The following SEM1 variants were observed in gnomAD, a reference collection of about 807,000 sequenced individuals.
SEM1 encodes the protein 26S proteasome complex subunit SEM1.
A neutral mutation model predicts 12.7 loss-of-function variants in SEM1; 3 were observed. That is an observed-to-expected ratio of 0.24 (90% confidence interval 0.11 to 0.61). The LOEUF is 0.61. Ranked by LOEUF, SEM1 falls within the 20% of genes least tolerant of loss-of-function variation. SEM1 has a pLI of 0.88. For synonymous variants in SEM1, 30 were observed against 27.8 expected (o/e 1.08, Z -0.25); for missense variants, 59 against 81.3 (o/e 0.73, Z 1.06).
At chr7:96,662,617 C>T (rs1459838067) in intron 2 of SEM1, among the ~76,000 whole-genome samples, 1 of 152,136 alleles carries the variant, frequency 6.6e-6, no homozygotes, top group East Asian at 1.9e-4. Flanking sequence ...AGCAAACCAC[C>T]ATGGCACATG....
chr7:96,539,403 GA>G (rs1301516328), intron 2 of SEM1, among the ~76,000 whole-genome samples: 1 of 151,532 alleles, frequency 6.6e-6, no homozygotes, highest in African/African-American at 2.4e-5. Flanking sequence ...ACAAGTTGAA[GA>G]AAAAAATTCC....
chr7:96,704,278 T>C (rs1790375292), intron 1 of SEM1, among the ~76,000 whole-genome samples: 1 of 152,188 alleles, frequency 6.6e-6, no homozygotes, highest in African/African-American at 2.4e-5. Flanking sequence ...ACATTTAACG[T>C]TGGTTATCAC....
intron 2 of SEM1, among the ~76,000 whole-genome samples, chr7:96,550,600 A>T (rs971799010): frequency 6.6e-6 from 1 of 152,216 alleles, no homozygotes; most frequent in Non-Finnish European, 1.5e-5. Context: ...AGAAGTTATA[A>T]CTAGCGATAA....
intron 1 of SEM1, among the ~76,000 whole-genome samples, chr7:96,697,896 T>TATC (rs1790148280): frequency 6.6e-6 from 1 of 152,150 alleles, no homozygotes; most frequent in African/African-American, 2.4e-5. Context: ...TTCTGTAGGT[T>TATC]ATCATAATGC....
At chr7:96,487,070 C>CATCAACTCATCATCCCTAT (rs2117205080) in intron 1 of SEM1, among the ~76,000 whole-genome samples, 4 of 140,018 alleles carry the variant, frequency 2.9e-5, no homozygotes, top group African/African-American at 1.0e-4. Context: ...GAGTCCAAGC[C>CATCAACTCATCATCCCTAT]TGGTAAAAAT....
chr7:96,673,743 T>C (rs372311421), exon 3 of SEM1: 9 of 765,062 alleles, frequency 1.2e-5, no homozygotes, highest in African/African-American at 3.4e-5. Context: ...CATGAACACA[T>C]ACAGGTTGAT....
At chr7:96,505,019 T>C (rs1377137806) in intron 3 of SEM1, among the ~76,000 whole-genome samples, 2 of 152,072 alleles carry the variant, frequency 1.3e-5, no homozygotes, top group African/African-American at 4.8e-5. Flanking sequence ...GATCTAGCTT[T>C]CTTGGATTTA....
At chr7:96,619,926 C>G (rs950441), downstream of SEM1, among the ~76,000 whole-genome samples, 146,700 of 152,030 alleles carry the variant, frequency 0.96, 70,980 homozygotes, top group East Asian at 1. Context: ...ATGGTACCTT[C>G]GTCTTGCAAC....
exon 3 of SEM1, chr7:96,673,853 A>G (rs201237000): frequency 2.1e-4 from 158 of 764,990 alleles, no homozygotes; most frequent in Non-Finnish European, 3.5e-4. Context: ...TCAGGAGTAC[A>G]GTTGCCCTGG....
At chr7:96,510,170 T>G (rs1803893286) in intron 2 of SEM1, among the ~76,000 whole-genome samples, 1 of 152,174 alleles carries the variant, frequency 6.6e-6, no homozygotes, top group Non-Finnish European at 1.5e-5. Context: ...ATTTAGTTAT[T>G]TCTGATATTG....
intron 2 of SEM1, among the ~76,000 whole-genome samples, chr7:96,537,923 A>G (rs1279319612): frequency 4.6e-5 from 7 of 151,726 alleles, no homozygotes; most frequent in Admixed American, 4.0e-4. Context: ...TGGAGATATT[A>G]TGCCTTTTGA....
intron 1 of SEM1, chr7:96,696,077 A>G (rs1790086187): frequency 6.6e-6 from 1 of 151,896 alleles, no homozygotes; most frequent in Non-Finnish European, 1.5e-5. Context: ...AGAGAGGGGA[A>G]AAATATTTAA....
At chr7:96,667,565 C>T (rs1435310433) in intron 2 of SEM1, among the ~76,000 whole-genome samples, 1 of 152,158 alleles carries the variant, frequency 6.6e-6, no homozygotes, top group Non-Finnish European at 1.5e-5. Context: ...ATTATTTTAG[C>T]TTTTGGATAT....
exon 4 of SEM1, chr7:96,482,676 C>T (rs908524072): frequency 6.6e-6 from 1 of 152,106 alleles, no homozygotes; most frequent in African/African-American, 2.4e-5. Flanking sequence ...AAATGTTTCC[C>T]GGTCATGGAG....
At chr7:96,489,970 G>A (rs893254886) in intron 1 of SEM1, among the ~76,000 whole-genome samples, 8 of 152,004 alleles carry the variant, frequency 5.3e-5, no homozygotes, top group Admixed American at 4.6e-4. Context: ...ATGTTCTGAG[G>A]TTCTTGGTGG....
chr7:96,584,797 G>A (rs943906624), intron 2 of SEM1, among the ~76,000 whole-genome samples: 4 of 151,836 alleles, frequency 2.6e-5, no homozygotes, highest in East Asian at 1.9e-4. Flanking sequence ...CATAGTTCTC[G>A]AGCCTTGGTT....
chr7:96,591,120 T>A (rs1806816382), intron 2 of SEM1, among the ~76,000 whole-genome samples: 1 of 152,198 alleles, frequency 6.6e-6, no homozygotes, highest in South Asian at 2.1e-4. Context: ...AAGTCTACAA[T>A]TTCCCCCTTT....
intron 2 of SEM1, among the ~76,000 whole-genome samples, chr7:96,525,672 C>A (rs931016892): frequency 1.7e-4 from 26 of 152,054 alleles, no homozygotes; most frequent in African/African-American, 6.0e-4. Context: ...GGTCTCCACC[C>A]CTGGCCCCAG....
intron 2 of SEM1, among the ~76,000 whole-genome samples, chr7:96,643,221 C>T (rs1428373918): frequency 6.6e-6 from 1 of 152,044 alleles, no homozygotes; most frequent in East Asian, 1.9e-4. Context: ...TCTGTTGCTG[C>T]TTTAGTTTGC....
Sources: allele counts gnomAD v4.1 joint callset (sites outside exome capture counted in the v4.1 genomes callset), GRCh38; gene constraint gnomAD v4.1.1; transcripts MANE v1.5; gene names NCBI Gene and HGNC (gene_info 2026-07-23, HGNC 2026-07-21).